The following PSME4 variants were observed in gnomAD, a reference collection of about 807,000 sequenced individuals.
PSME4 encodes the protein proteasome activator subunit 4, also known as proteasome activator complex subunit 4.
PSME4 carries 89 observed loss-of-function variants against 253.9 expected under a neutral mutation model. That is an observed-to-expected ratio of 0.35 (90% CI 0.30 to 0.42). The LOEUF is 0.42. PSME4 is among the 10% of genes least tolerant of loss of function. PSME4 has a pLI of 1.00. For synonymous variants in PSME4, 851 were observed against 759.2 expected (o/e 1.12, Z -1.99); for missense variants, 2,014 against 2,195.2 (o/e 0.92, Z 1.65).
intron 17 of PSME4, 32 bp downstream of exon 17, chr2:53,922,485 G>A (rs933678400): frequency 6.2e-7 from 1 of 1,601,188 alleles, no homozygotes; most frequent in African/African-American, 1.3e-5. Flanking sequence ...TGTTTTCACA[G>A]TCATGTTTCT....
chr2:53,926,705 G>A (rs112001580), intron 12 of PSME4, among the ~76,000 whole-genome samples: 15,674 of 151,362 alleles, frequency 0.1, 1,056 homozygotes, highest in Middle Eastern at 0.22. Context: ...TGGGTACAGT[G>A]GCTCACATCT....
At chr2:53,868,151 A>G (rs116777637) in intron 44 of PSME4, among the ~76,000 whole-genome samples, 1,791 of 152,130 alleles carry the variant, frequency 0.012, 19 homozygotes, top group Non-Finnish European at 0.017. Context: ...TTGGTGCTTT[A>G]TCATTAAAAA....
intron 1 of PSME4, 34 bp from the exon 2 acceptor site, chr2:53,949,317 T>C (rs569009223): frequency 7.2e-7 from 1 of 1,396,790 alleles, no homozygotes; most frequent in Non-Finnish European, 9.8e-7. Context: ...CCTTTAAAAA[T>C]AGGTATGATG....
At position 53,934,720 on chromosome 2, in the gene PSME4, G is replaced by A; in HGVS notation, c.842C>T (p.Thr281Ile). Residue 281 changes from threonine to isoleucine, a missense_variant, in exon 8 of 47, where the codon ACA becomes ATA. Coordinates refer to ENST00000404125, the MANE Select transcript of PSME4 (RefSeq NM_014614.3). ...DWDPYVPKIFTRILRSLNLPV... is the reference protein window; with the variant it reads ...DWDPYVPKIFIRILRSLNLPV... ...GAGGTTCAAGCTTCTCAGAATTCTT[G>A]TAAATATCTTTTAAAAGAAAAAAAT... The A allele has an allele frequency of 6.3e-7, 1 of 1,585,648 alleles. No homozygotes were observed.
rs55730803 is a variant in PSME4, at chr2:53,879,801, C to CAAAA, written c.4816-4050_4816-4047dup. On this transcript the variant is annotated intron_variant, in intron 41 of 46. Transcript: ENST00000404125. Reference sequence around the variant, plus strand: ...TGGGTGACAGAGCAAGACCCTGTCTCAAAAAAAAAAAAAAAAAAAGGAAAA... The same window carrying CAAAA: ...TGGGTGACAGAGCAAGACCCTGTCTCAAAAAAAAAAAAAAAAAAAAAAAGGAAAA... 4.4e-5 allele frequency among the ~76,000 whole-genome samples: 4 copies of CAAAA among 89,936 alleles called. 1 individual carries two copies. Among genetic ancestry groups the CAAAA allele is most frequent in the Non-Finnish European group, 8.6e-5 (4 of 46,780 alleles). The allele number at this position is 89,936 out of a possible 152,430, so 59.0% of individuals were successfully genotyped here. A position where few individuals can be genotyped will look rare whatever the true frequency, so the allele number is the denominator to read the frequency against.
At chr2:53,893,865 A>C in intron 34 of PSME4, 66 bp from the exon 35 acceptor site, 1 of 1,487,896 alleles carries the variant, frequency 6.7e-7, no homozygotes, top group South Asian at 1.4e-5. Context: ...ATTCTGAAAA[A>C]GTTAAAATTA....
chr2:53,900,997 A>T (rs758561545), intron 28 of PSME4, among the ~76,000 whole-genome samples: 3 of 152,220 alleles, frequency 2.0e-5, no homozygotes, highest in Admixed American at 6.5e-5. Context: ...CGAACCCAGT[A>T]GTCGATCTTT....
Position 53,908,380 on chromosome 2 carries a change from C to A in PSME4, c.2724G>T (p.Lys908Asn), listed in dbSNP as rs966507340. The A allele has an allele frequency of 6.2e-7, 1 of 1,613,168 alleles. No individual in the cohort carries two copies. The highest frequency in any genetic ancestry group is 8.5e-7 in the Non-Finnish European group (1 of 1,179,562). ...TTTTCCATCGGGAGTCAAATTCATG[C>A]TTGTGAGATCCTTGGAATTGTAAAA... ...GDLLQFQGSHKHEFDSRWKSF... is the reference protein window; with the variant it reads ...GDLLQFQGSHNHEFDSRWKSF... Residue 908 changes from lysine to asparagine, a missense_variant, in exon 24 of 47, where the codon AAG becomes AAT. Lys to Asn is a moderately conservative substitution (Grantham distance 94). Around this residue, in one of 4 missense-constraint regions of PSME4, gnomAD observed 989 missense variants for 1,021.1 expected, o/e 0.97. Transcript: ENST00000404125.
At chr2:53,924,267 G>C (rs1169356882) in intron 14 of PSME4, among the ~76,000 whole-genome samples, 2 of 152,166 alleles carry the variant, frequency 1.3e-5, no homozygotes, top group Admixed American at 1.3e-4. Flanking sequence ...GATGATTTGT[G>C]TTCATTTCTT....
At chr2:53,945,455 G>A (rs1411394553) in intron 3 of PSME4, among the ~76,000 whole-genome samples, 2 of 152,074 alleles carry the variant, frequency 1.3e-5, no homozygotes, top group African/African-American at 2.4e-5. Context: ...ACTAAAAAGG[G>A]TCTTTTGTCC....
Position 53,908,856 on chromosome 2 carries a change from A to T in PSME4, c.2573-16T>A. ...CGAGACAGATCTATTTTGAAAAAAT[A>T]AAAGAAGGTATTTTAGACACTGAAT... is the stretch of plus-strand genomic sequence containing the variant. On this transcript the variant is annotated splice_polypyrimidine_tract_variant and intron_variant, in intron 21 of 46. Coordinates refer to ENST00000404125, the MANE Select transcript of PSME4 (RefSeq NM_014614.3). The T allele has an allele frequency of 1.3e-6, 2 of 1,584,048 alleles. No individual in the cohort carries two copies. Among genetic ancestry groups the T allele is most frequent in the Non-Finnish European group, 1.7e-6 (2 of 1,156,918 alleles).
Position 53,901,335 on chromosome 2 carries a change from A to G in PSME4, c.3285+15T>C, listed in dbSNP as rs770076593. ...ATTTACACTAAAACTTGAATGAAAG[A>G]ATGATATTGCTTACTGTGAAGTCCA... On this transcript the variant is annotated intron_variant, in intron 28 of 46. Coordinates refer to ENST00000404125, the MANE Select transcript of PSME4 (RefSeq NM_014614.3). 4 of 1,588,246 alleles carry G rather than the reference A, an allele frequency of 2.5e-6. No homozygotes were observed. The highest frequency in any genetic ancestry group is 3.5e-6 in the Non-Finnish European group (4 of 1,156,900).
Position 53,874,428 on chromosome 2 carries a change from A to G in PSME4, c.5011T>C (p.Tyr1671His). The G allele has an allele frequency of 6.2e-7, 1 of 1,614,070 alleles. No homozygotes were observed. The highest frequency in any genetic ancestry group is 8.5e-7 in the Non-Finnish European group (1 of 1,179,920). Residue 1671 changes from tyrosine (Y) to histidine (H), a missense_variant, in exon 43 of 47, where the codon TAT becomes CAT. By Grantham distance (83) the Tyr-to-His change is moderately conservative. Around this residue, in one of 4 missense-constraint regions of PSME4, gnomAD observed 403 missense variants for 556.1 expected, o/e 0.72. Transcript: ENST00000404125. ...TTGTTTAGGAAAATAAAGAGGTTAT[A>G]AAATACCATGGTCTGGAGGTAGGTC... Reference protein sequence around the residue: ...VLTYLQTMVFYNLFIFLNNED... With the variant: ...VLTYLQTMVFHNLFIFLNNED...
At chr2:53,903,716 A>G (rs956744621) in intron 27 of PSME4, among the ~76,000 whole-genome samples, 7 of 152,184 alleles carry the variant, frequency 4.6e-5, no homozygotes, top group African/African-American at 1.7e-4. Flanking sequence ...TTTCCTCAGG[A>G]AAGTCTGCTT....
intron 8 of PSME4, among the ~76,000 whole-genome samples, chr2:53,934,015 A>G (rs1301887676): frequency 1.3e-5 from 2 of 152,254 alleles, no homozygotes; most frequent in East Asian, 3.8e-4. Flanking sequence ...GTAAAACAGA[A>G]TAATAATTCA....
At chr2:53,887,212 T>C in intron 40 of PSME4, 47 bp downstream of exon 40, 3 of 1,505,916 alleles carry the variant, frequency 2.0e-6, no homozygotes, top group Non-Finnish European at 2.8e-6. Context: ...TACAGGATAA[T>C]CAAATAGATG....
chr2:53,878,876 T>C (rs1679253725), intron 41 of PSME4, among the ~76,000 whole-genome samples: 1 of 152,230 alleles, frequency 6.6e-6, no homozygotes, highest in South Asian at 2.1e-4. Context: ...CCTGCCTCCA[T>C]TTCCTTTGTG....
At position 53,864,992 on chromosome 2, in the gene PSME4, G is replaced by T. The variant is rs1239008577; in HGVS notation, c.*586C>A. 1 of 152,572 alleles carries T rather than the reference G, an allele frequency of 6.6e-6. No individual in the cohort carries two copies. The highest frequency in any genetic ancestry group is 1.5e-5 in the Non-Finnish European group (1 of 68,054). The allele number at this position is 152,572 out of a possible 1,614,324, so 9.5% of individuals were successfully genotyped here. Reference sequence around the variant, plus strand: ...CAGCACCAAAAACTCCAGTCTGTGGGAAGTGCACAGACACAGACTTCACTT... The same window carrying T: ...CAGCACCAAAAACTCCAGTCTGTGGTAAGTGCACAGACACAGACTTCACTT... On this transcript the variant is annotated 3_prime_UTR_variant, in exon 47 of 47. Coordinates refer to ENST00000404125, the MANE Select transcript of PSME4 (RefSeq NM_014614.3).
At chr2:53,916,766 A>C (rs1668081165) in intron 20 of PSME4, among the ~76,000 whole-genome samples, 1 of 152,230 alleles carries the variant, frequency 6.6e-6, no homozygotes. Context: ...AAAATGTTAC[A>C]CATAGGAAAT....
Sources: allele counts gnomAD v4.1 joint callset (sites outside exome capture counted in the v4.1 genomes callset), GRCh38; gene constraint gnomAD v4.1.1; regional missense constraint gnomAD v4.1.1; transcripts MANE v1.5; gene names NCBI Gene and HGNC (gene_info 2026-07-23, HGNC 2026-07-21).